GULP1: variants seen among roughly 807,000 people sequenced by gnomAD.
GULP1 encodes the protein PTB domain-containing engulfment adapter protein 1.
In GULP1, 19 loss-of-function variants were observed where a neutral mutation model predicts 40.9. The observed-to-expected ratio is 0.46, with a 90% CI of 0.32 to 0.68. The LOEUF is 0.68. Among genes scored for constraint, GULP1 ranks in the 30% least tolerant of loss-of-function variants. The pLI is 0.03. For missense variants in GULP1, 312 were observed against 362.2 expected (o/e 0.86, Z 1.12); for synonymous variants, 119 against 117.6 (o/e 1.01, Z -0.08).
chr2:188,526,828 A>G (rs1686278433), intron 5 of GULP1, among the ~76,000 whole-genome samples: 1 of 152,164 alleles, frequency 6.6e-6, no homozygotes, highest in Admixed American at 6.5e-5. Context: ...ACTAATTACT[A>G]GGCCTAATTC....
chr2:188,317,122 A>G (rs1477969976), intron 1 of GULP1, among the ~76,000 whole-genome samples: 1 of 151,760 alleles, frequency 6.6e-6, no homozygotes, highest in Non-Finnish European at 1.5e-5. Flanking sequence ...AACAAGCCAA[A>G]CTCTCCCCCA....
intron 1 of GULP1, among the ~76,000 whole-genome samples, chr2:188,359,048 A>G (rs2045746027): frequency 6.6e-6 from 1 of 152,134 alleles, no homozygotes; most frequent in African/African-American, 2.4e-5. Context: ...TAATAAGGCA[A>G]TTATAATGAA....
chr2:188,372,198 T>C (rs2047689139), intron 1 of GULP1, among the ~76,000 whole-genome samples: 1 of 152,122 alleles, frequency 6.6e-6, no homozygotes, highest in Non-Finnish European at 1.5e-5. Flanking sequence ...TTTTCATGAA[T>C]GGCAAATTGA....
chr2:188,486,241 T>C (rs2061852216), intron 4 of GULP1, among the ~76,000 whole-genome samples: 1 of 152,024 alleles, frequency 6.6e-6, no homozygotes, highest in Non-Finnish European at 1.5e-5. Flanking sequence ...ATGGTCCAAG[T>C]ATGTGGTAAT....
chr2:188,452,248 C>CCAAA (rs2058891474), intron 2 of GULP1, among the ~76,000 whole-genome samples: 1 of 152,082 alleles, frequency 6.6e-6, no homozygotes, highest in African/African-American at 2.4e-5. Flanking sequence ...AGCACCAGAT[C>CCAAA]CAAAGGCCAG....
intron 4 of GULP1, among the ~76,000 whole-genome samples, chr2:188,512,173 T>G (rs1164236374): frequency 6.6e-6 from 1 of 152,156 alleles, no homozygotes; most frequent in Non-Finnish European, 1.5e-5. Context: ...TTTTCCTTTT[T>G]TTTGCACATA....
intron 1 of GULP1, among the ~76,000 whole-genome samples, chr2:188,343,481 G>A (rs993638384): frequency 1.3e-5 from 2 of 152,096 alleles, no homozygotes; most frequent in Admixed American, 6.5e-5. Flanking sequence ...TGATAGCATC[G>A]TGACTATATA....
chr2:188,569,038 T>A (rs1028063186), intron 7 of GULP1, among the ~76,000 whole-genome samples: 1 of 152,130 alleles, frequency 6.6e-6, no homozygotes, highest in Non-Finnish European at 1.5e-5. Context: ...GTTTTTTCAA[T>A]GTTGTGCCTG....
intron 1 of GULP1, among the ~76,000 whole-genome samples, chr2:188,331,627 G>T (rs1033380717): frequency 1.3e-5 from 2 of 152,104 alleles, no homozygotes. Context: ...TAATCTTGTG[G>T]ATTGGAAAAT....
At position 188,383,839 on chromosome 2, in the gene GULP1, T is replaced by A. The variant is rs1264726866; in HGVS notation, c.-95T>A. The A allele has an allele frequency of 1.3e-5, 2 of 152,194 alleles. No individual in the cohort carries two copies. The highest frequency in any genetic ancestry group is 2.4e-5 in the African/African-American group (1 of 41,458). The allele number at this position is 152,194 out of a possible 1,614,324, so 9.4% of individuals were successfully genotyped here. ...CTGATGGCAACTGTATGATAGAAGC[T>A]ATATAAAGTCAAGTGTCCATTTTCT... On this transcript the variant is annotated 5_prime_UTR_variant, in exon 2 of 12. Coordinates refer to ENST00000409830, the MANE Select transcript of GULP1 (RefSeq NM_016315.4).
intron 11 of GULP1, chr2:188,591,137 C>G (rs1270317094): frequency 1.3e-5 from 2 of 151,848 alleles, no homozygotes; most frequent in Non-Finnish European, 2.9e-5. Flanking sequence ...AATAAAAAAG[C>G]ACTAGTTCAC....
rs568767997 is a variant in GULP1 at position 188,587,927 on chromosome 2, A to T, written c.821A>T (p.Gln274Leu). The T allele has an allele frequency of 1.2e-5, 19 of 1,594,974 alleles. No individual in the cohort carries two copies. The Middle Eastern group carries it at 6.7e-4, about 56-fold the overall frequency. ...CGAADFPPDI[Q>L]SKLDEMQEGF... is the part of the protein sequence containing the mutation. ...GCAGCAGATTTCCCTCCAGATATTCAATCAAAATTAGATGAGATGCAGGTG... is the reference window on the plus strand; with the variant it reads ...GCAGCAGATTTCCCTCCAGATATTCTATCAAAATTAGATGAGATGCAGGTG... The change falls in exon 11 of 12, where the codon CAA (glutamine) becomes CTA (leucine). Residue 274 changes from glutamine (Q) to leucine (L), a missense_variant. Physicochemically the swap from Gln to Leu is moderately radical, Grantham distance 113. Transcript: ENST00000409830.
At position 188,295,358 on chromosome 2, in the gene GULP1, C is replaced by T. The variant is rs182286830; in HGVS notation, c.-172+3192C>T. Among the ~76,000 whole-genome samples, 21 of 152,250 alleles carry T rather than the reference C, an allele frequency of 1.4e-4. No individual in the cohort carries two copies. In the East Asian group the frequency reaches 4.0e-3, roughly 29 times the overall value. Reference sequence around the variant, plus strand: ...GCATGCATATCATGCATCATCGGGCCTGTATTCCAATCAGCACCGAACTTC... The same window carrying T: ...GCATGCATATCATGCATCATCGGGCTTGTATTCCAATCAGCACCGAACTTC... On this transcript the variant is annotated intron_variant, in intron 1 of 11. Transcript: ENST00000409830.
intron 9 of GULP1, among the ~76,000 whole-genome samples, chr2:188,578,356 T>C (rs1700574334): frequency 6.6e-6 from 1 of 151,676 alleles, no homozygotes; most frequent in Non-Finnish European, 1.5e-5. Context: ...ACCAAGACAC[T>C]ACTTACTGAA....
chr2:188,333,074 G>A (rs200739348), intron 1 of GULP1, among the ~76,000 whole-genome samples: 2 of 151,780 alleles, frequency 1.3e-5, no homozygotes, highest in African/African-American at 4.8e-5. Context: ...GTGAGACCTC[G>A]TCTCTACAAA....
intron 9 of GULP1, among the ~76,000 whole-genome samples, chr2:188,578,517 G>A (rs1170114541): frequency 2.0e-5 from 3 of 150,002 alleles, no homozygotes; most frequent in East Asian, 1.9e-4. Context: ...CTCATGTATC[G>A]CAGAACTTAA....
intron 1 of GULP1, among the ~76,000 whole-genome samples, chr2:188,340,597 T>C (rs191058343): frequency 3.5e-4 from 53 of 152,250 alleles, no homozygotes; most frequent in Middle Eastern, 3.4e-3. Context: ...GTGGATGACT[T>C]AAGTGTTAAA....
At chr2:188,570,436 A>G (rs909661359) in intron 9 of GULP1, among the ~76,000 whole-genome samples, 3 of 151,968 alleles carry the variant, frequency 2.0e-5, no homozygotes, top group East Asian at 1.9e-4. Context: ...ATTAATTACT[A>G]TTTGCTGGGT....
At chr2:188,563,353 A>G (rs1233512675) in intron 7 of GULP1, among the ~76,000 whole-genome samples, 1 of 151,698 alleles carries the variant, frequency 6.6e-6, no homozygotes, top group African/African-American at 2.4e-5. Context: ...TTAAAAGGAT[A>G]CAAAGATAAA....
Sources: allele counts gnomAD v4.1 joint callset (sites outside exome capture counted in the v4.1 genomes callset), GRCh38; gene constraint gnomAD v4.1.1; transcripts MANE v1.5; gene names NCBI Gene and HGNC (gene_info 2026-07-23, HGNC 2026-07-21).